OCA2: variants seen among roughly 807,000 people sequenced by gnomAD.
OCA2 encodes the protein OCA2 melanosomal transmembrane protein, also known as P protein.
OCA2 carries 77 observed loss-of-function variants against 100.2 expected under a neutral mutation model. The ratio of observed to expected loss-of-function variants is 0.77; its 90% CI spans 0.64 to 0.93. The LOEUF is 0.93. Ranked by LOEUF, OCA2 falls within the 40% of genes least tolerant of loss-of-function variation. OCA2 has a pLI of 0.00. For missense variants in OCA2, 1,062 were observed against 1,089.1 expected, an observed-to-expected ratio of 0.98 and a Z score of 0.35; for synonymous variants, 432 against 439.2, an observed-to-expected ratio of 0.98 and a Z score of 0.21.
At chr15:27,872,230 A>G (rs767122590) in intron 19 of OCA2, among the ~76,000 whole-genome samples, 1 of 152,252 alleles carries the variant, frequency 6.6e-6, no homozygotes, top group Non-Finnish European at 1.5e-5. Context: ...ATACTGTTCA[A>G]TCGTACATAA....
At chr15:28,017,040 ACCTGGGGAGGCAG>A (rs1016146896) in intron 7 of OCA2, among the ~76,000 whole-genome samples, 3 of 116,396 alleles carry the variant, frequency 2.6e-5, no homozygotes, top group South Asian at 3.4e-4. Context: ...GAGAGTGATC[ACCTGGGGAGGCAG>A]CCTGGGGAGC....
At chr15:27,893,780 C>T (rs1193383683) in intron 19 of OCA2, among the ~76,000 whole-genome samples, 2 of 152,176 alleles carry the variant, frequency 1.3e-5, no homozygotes, top group East Asian at 3.9e-4. Flanking sequence ...TTTATCAAGA[C>T]AATACGTGCA....
intron 18 of OCA2, among the ~76,000 whole-genome samples, chr15:27,930,100 T>C (rs148806346): frequency 2.0e-5 from 3 of 152,238 alleles, no homozygotes; most frequent in South Asian, 2.1e-4. Context: ...ACATGATCCA[T>C]ACACCTACCA....
rs900796676 is a variant in OCA2 at position 28,097,239 on chromosome 15, C to T, written c.-22+1985G>A. Among the ~76,000 whole-genome samples the T allele has an allele frequency of 2.0e-5, 3 of 152,306 alleles. No individual in the cohort carries two copies. In the East Asian group the frequency reaches 5.8e-4, roughly 30 times the overall value. On this transcript the variant is annotated intron_variant, in intron 1 of 23. Transcript: ENST00000354638. Reference sequence around the variant, plus strand: ...CCACACGGACCCCGCCGCGCTCCGCCGAAACTGCGCGGGTCCCGCGGGTGG... The same window carrying T: ...CCACACGGACCCCGCCGCGCTCCGCTGAAACTGCGCGGGTCCCGCGGGTGG...
intron 2 of OCA2, among the ~76,000 whole-genome samples, chr15:28,048,585 G>GA (rs2043412605): frequency 6.6e-6 from 1 of 151,696 alleles, no homozygotes; most frequent in Non-Finnish European, 1.5e-5. Context: ...AAAATTCTTA[G>GA]AAAAAAACAA....
At chr15:27,778,598 A>G (rs1433463963) in intron 23 of OCA2, among the ~76,000 whole-genome samples, 1 of 150,364 alleles carries the variant, frequency 6.7e-6, no homozygotes, top group African/African-American at 2.4e-5. Flanking sequence ...CTTGTAGAGA[A>G]AAAAAAAAAG....
intron 21 of OCA2, among the ~76,000 whole-genome samples, chr15:27,870,816 GAGAGAAAGAAAGAA>G (rs2036534114): frequency 4.0e-5 from 6 of 151,504 alleles, no homozygotes; most frequent in South Asian, 2.1e-4. Flanking sequence ...AAGAAAGAGA[GAGAGAAAGAAAGAA>G]AGAGAAAGAA....
At chr15:27,891,131 C>T (rs770386980) in intron 19 of OCA2, among the ~76,000 whole-genome samples, 2 of 151,798 alleles carry the variant, frequency 1.3e-5, no homozygotes, top group Admixed American at 6.6e-5. Context: ...TTGTATAGAT[C>T]GATTTGATGA....
chr15:28,079,727 C>A (rs1206282591), intron 2 of OCA2, among the ~76,000 whole-genome samples: 3 of 152,172 alleles, frequency 2.0e-5, no homozygotes, highest in Admixed American at 6.5e-5. Context: ...CCACACTCAG[C>A]CTAGGTAGTT....
At position 27,895,112 on chromosome 15, in the gene OCA2, G is replaced by A. The variant is rs545093289; in HGVS notation, c.2080-23190C>T. ...TAGGCAATGTAACTCTCCTTCCTGG[G>A]TCCTGCCTATAGGAAGCATAAGGAC... On this transcript the variant is annotated intron_variant, in intron 19 of 23. Transcript: ENST00000354638. Among the ~76,000 whole-genome samples the A allele has an allele frequency of 7.2e-5, 11 of 152,220 alleles. No individual in the cohort carries two copies. In the South Asian group the frequency reaches 1.7e-3, roughly 23 times the overall value.
At chr15:27,904,086 C>A (rs545451676) in intron 19 of OCA2, among the ~76,000 whole-genome samples, 4 of 152,248 alleles carry the variant, frequency 2.6e-5, no homozygotes, top group Non-Finnish European at 5.9e-5. Flanking sequence ...ATTCAGCTTC[C>A]CTGTGAATCC....
intron 9 of OCA2, among the ~76,000 whole-genome samples, chr15:27,992,174 C>A (rs1171745476): frequency 1.3e-5 from 2 of 151,854 alleles, no homozygotes; most frequent in Non-Finnish European, 2.9e-5. Context: ...CACGTTGGCT[C>A]ACTGCAACCT....
At chr15:27,989,059 C>G (rs2041457200) in intron 11 of OCA2, among the ~76,000 whole-genome samples, 2 of 152,174 alleles carry the variant, frequency 1.3e-5, no homozygotes, top group South Asian at 4.1e-4. Context: ...ACTGCCCCTG[C>G]TGCCCAGGCT....
intron 23 of OCA2, among the ~76,000 whole-genome samples, chr15:27,767,268 G>T (rs1312901400): frequency 6.6e-6 from 1 of 151,892 alleles, no homozygotes; most frequent in Non-Finnish European, 1.5e-5. Context: ...GGCCTAAAGA[G>T]TTCCCTTCTG....
intron 23 of OCA2, among the ~76,000 whole-genome samples, chr15:27,827,818 G>A (rs1451998483): frequency 1.3e-5 from 2 of 152,094 alleles, no homozygotes; most frequent in East Asian, 3.9e-4. Flanking sequence ...CTTTAAAAAT[G>A]TAAATTCGAA....
At chr15:28,068,576 G>A (rs889320066) in intron 2 of OCA2, among the ~76,000 whole-genome samples, 2 of 152,232 alleles carry the variant, frequency 1.3e-5, no homozygotes, top group Non-Finnish European at 2.9e-5. Flanking sequence ...GAGGGGCTCT[G>A]CCCCAACTCA....
intron 22 of OCA2, 146 bp from the exon 23 acceptor site, chr15:27,845,198 A>AAC (rs962762021): frequency 5.6e-6 from 4 of 711,946 alleles, no homozygotes; most frequent in Non-Finnish European, 7.5e-6. Flanking sequence ...AATATCTGGA[A>AAC]ACACACACAC....
At chr15:27,733,480 C>T in the OCA2 span, among the ~76,000 whole-genome samples, 1 of 152,044 alleles carries the variant, frequency 6.6e-6, no homozygotes, top group East Asian at 1.9e-4. Flanking sequence ...CTCATGGCCT[C>T]ATGGCCTCAT....
intron 9 of OCA2, among the ~76,000 whole-genome samples, chr15:27,999,515 C>A (rs937459741): frequency 6.6e-6 from 1 of 152,212 alleles, no homozygotes; most frequent in African/African-American, 2.4e-5. Context: ...CATTATACTC[C>A]ATAGTGAAAA....
Sources: allele counts gnomAD v4.1 joint callset (sites outside exome capture counted in the v4.1 genomes callset), GRCh38; gene constraint gnomAD v4.1.1; transcripts MANE v1.5; gene names NCBI Gene and HGNC (gene_info 2026-07-23, HGNC 2026-07-21).